ABCG8: variants seen among roughly 807,000 people sequenced by gnomAD.
ABCG8 encodes ATP-binding cassette sub-family G member 8.
ABCG8 carries 81 observed loss-of-function variants against 71.3 expected under a neutral mutation model. The observed-to-expected ratio is 1.14, with a 90% confidence interval of 0.95 to 1.37. ABCG8 has a LOEUF of 1.37. ABCG8 is among the 40% of genes most tolerant of loss of function. ABCG8 has a pLI of 0.00. For synonymous variants in ABCG8, 451 were observed against 354.7 expected (o/e 1.27, Z -3.05); for missense variants, 1,119 against 866.2 (o/e 1.29, Z -3.66).
At chr2:43,873,039 G>A (rs1340217065) in intron 8 of ABCG8, among the ~76,000 whole-genome samples, 1 of 152,060 alleles carries the variant, frequency 6.6e-6, no homozygotes, top group Admixed American at 6.6e-5. Context: ...ACTTAGGGCA[G>A]CACCTCTACC....
intron 6 of ABCG8, among the ~76,000 whole-genome samples, chr2:43,860,196 G>C (rs150407250): frequency 6.8e-6 from 1 of 147,648 alleles, no homozygotes; most frequent in Admixed American, 6.7e-5. Context: ...TGTCTGGATA[G>C]AATTCTCACC....
chr2:43,881,895 T>C lies in ABCG8; in HGVS notation c.*3982T>C, dbSNP rs1166761872. The C allele has an allele frequency of 1.3e-5, 2 of 152,180 alleles. No individual in the cohort carries two copies. Among genetic ancestry groups the C allele is most frequent in the East Asian group, 3.9e-4 (2 of 5,190 alleles). 9.4% of individuals were successfully genotyped at this position (152,180 alleles called of 1,614,324 possible). On this transcript the variant is annotated 3_prime_UTR_variant, in exon 13 of 13. Transcript: ENST00000272286. ...GTGGGCCTTATAGGCTCTGCTGCAA[T>C]TACTTAACTCTGCTGTTACAGTGTG...
chr2:43,851,474 C>G, intron 3 of ABCG8, 110 bp from the exon 4 acceptor site: 1 of 1,260,910 alleles, frequency 7.9e-7, no homozygotes, highest in Non-Finnish European at 1.2e-6. Context: ...CTGGTCACAT[C>G]TGCACGGACA....
intron 8 of ABCG8, 117 bp downstream of exon 8, chr2:43,872,423 GA>G (rs1266320336): frequency 4.9e-6 from 6 of 1,215,858 alleles, no homozygotes; most frequent in African/African-American, 1.5e-5. Flanking sequence ...AGAGTCATTT[GA>G]AAAAAACAGC....
At chr2:43,875,842 A>G (rs1412342230) in intron 11 of ABCG8, among the ~76,000 whole-genome samples, 1 of 151,942 alleles carries the variant, frequency 6.6e-6, no homozygotes, top group Non-Finnish European at 1.5e-5. Context: ...TCCAAGGTGC[A>G]AACCCATGCC....
At position 43,873,953 on chromosome 2, in the gene ABCG8, C is replaced by T. The variant is rs745377157; in HGVS notation, c.1378C>T (p.Pro460Ser). The part of the protein sequence containing the change: ...ALLFMIGALI[P>S]FNVILDVISK... ...CTTGTTCATGATCGGTGCTCTCATC[C>T]CTTTCAACGTCATTCTGGATGTCAT... is the stretch of plus-strand genomic sequence containing the variant. The change falls in exon 9 of 13, where the codon CCT becomes TCT. Residue 460 changes from proline to serine, a missense_variant. Physicochemically the swap from Pro to Ser is moderately conservative, Grantham distance 74 (BLOSUM62 -1). Coordinates refer to ENST00000272286, the MANE Select transcript of ABCG8 (RefSeq NM_022437.3). The T allele has an allele frequency of 1.9e-6, 3 of 1,614,106 alleles. No homozygotes were observed. In the South Asian group the frequency reaches 3.3e-5, roughly 18 times the overall value.
At chr2:43,853,107 T>C (rs1345589695) in intron 6 of ABCG8, among the ~76,000 whole-genome samples, 2 of 152,106 alleles carry the variant, frequency 1.3e-5, no homozygotes, top group Admixed American at 6.5e-5. Flanking sequence ...GATTAGAAAC[T>C]TGCAAACTCC....
intron 1 of ABCG8, among the ~76,000 whole-genome samples, chr2:43,841,381 G>A (rs1047494096): frequency 2.0e-5 from 3 of 152,188 alleles, no homozygotes; most frequent in South Asian, 4.1e-4. Flanking sequence ...AGAAATTCAA[G>A]TGATGTTCTG....
chr2:43,852,532 C>A lies in ABCG8; in HGVS notation c.694+46C>A. Reference sequence around the variant, plus strand: ...TGGGGGCAGAGGGACCTGTGCGGTCCCCTCAGGCTTGGCTTGGTCTGGCCA... The same window carrying A: ...TGGGGGCAGAGGGACCTGTGCGGTCACCTCAGGCTTGGCTTGGTCTGGCCA... On this transcript the variant is annotated intron_variant, in intron 5 of 12. Coordinates refer to ENST00000272286, the MANE Select transcript of ABCG8 (RefSeq NM_022437.3). 4 of 1,613,856 alleles carry A rather than the reference C, an allele frequency of 2.5e-6. No homozygotes were observed. The Admixed American group carries it at 6.7e-5, about 27-fold the overall frequency.
chr2:43,866,284 G>A (rs564918696), intron 6 of ABCG8, among the ~76,000 whole-genome samples: 5,554 of 147,872 alleles, frequency 0.038, 127 homozygotes, highest in Middle Eastern at 0.094. Flanking sequence ...CATAGGCACG[G>A]GCAAGGACTT....
At chr2:43,842,081 C>T (rs989003189) in intron 1 of ABCG8, among the ~76,000 whole-genome samples, 1 of 152,090 alleles carries the variant, frequency 6.6e-6, no homozygotes, top group Admixed American at 6.5e-5. Flanking sequence ...ATCTCGGCTC[C>T]CTGCACCTCC....
Position 43,875,422 on chromosome 2 carries a change from T to A in ABCG8, c.1756+9T>A. The A allele has an allele frequency of 1.9e-6, 3 of 1,611,240 alleles. No individual in the cohort carries two copies. Among genetic ancestry groups the A allele is most frequent in the Non-Finnish European group, 2.5e-6 (3 of 1,178,096 alleles). On this transcript the variant is annotated intron_variant, in intron 11 of 12. Transcript: ENST00000272286. ...GAGCAGCCTGTGGACAGGTAAGGCC[T>A]GCCCCCGGGGCCTGGGCCAGCTTTG...
In ABCG8 at chr2:43,851,736, C is replaced by T; in HGVS notation, c.475C>T (p.Pro159Ser). 6.2e-7 allele frequency: 1 copy of T among 1,614,232 alleles called. No homozygotes were observed. The highest frequency in any genetic ancestry group is 8.5e-7 in the Non-Finnish European group (1 of 1,180,046). ...AHVRQHNQLL[P>S]NLTVRETLAF... Reference sequence around the variant, plus strand: ...CGTGCGCCAGCACAACCAGCTGCTCCCCAACTTGACTGTGCGAGAGACCTT... The same window carrying T: ...CGTGCGCCAGCACAACCAGCTGCTCTCCAACTTGACTGTGCGAGAGACCTT... Residue 159 changes from proline to serine, a missense_variant, in exon 4 of 13, where the codon CCC (proline) becomes TCC (serine). Coordinates refer to ENST00000272286, the MANE Select transcript of ABCG8 (RefSeq NM_022437.3).
chr2:43,853,710 A>G (rs1287770728), intron 6 of ABCG8, among the ~76,000 whole-genome samples: 13 of 152,220 alleles, frequency 8.5e-5, no homozygotes, highest in Admixed American at 7.9e-4. Context: ...CGGCCAGGCC[A>G]AGGCCATCTC....
chr2:43,874,700 T>C (rs529783211), intron 10 of ABCG8, among the ~76,000 whole-genome samples: 1 of 152,120 alleles, frequency 6.6e-6, no homozygotes, highest in African/African-American at 2.4e-5. Context: ...GGACCAGGAA[T>C]GATAGTTTTC....
intron 6 of ABCG8, among the ~76,000 whole-genome samples, chr2:43,868,193 A>G (rs72798815): frequency 0.052 from 7,832 of 151,780 alleles, 157 homozygotes; most frequent in Middle Eastern, 0.11. Flanking sequence ...AACTGTCACT[A>G]TCTATCTCAA....
At chr2:43,844,284 A>G (rs1668669751) in intron 1 of ABCG8, among the ~76,000 whole-genome samples, 1 of 152,170 alleles carries the variant, frequency 6.6e-6, no homozygotes, top group South Asian at 2.1e-4. Flanking sequence ...CCCCGGGAGA[A>G]GCCCCAAACC....
At chr2:43,871,488 C>A (rs921654610) in intron 6 of ABCG8, among the ~76,000 whole-genome samples, 3 of 152,236 alleles carry the variant, frequency 2.0e-5, no homozygotes, top group Admixed American at 1.3e-4. Flanking sequence ...AGAATTCTCA[C>A]TCTCTGGATG....
In ABCG8 at chr2:43,877,607, A is replaced by G. The variant is rs1440297795; in HGVS notation, c.1803A>G (p.Glu601=). ...TGTCCTTCCTGCGGTGGTGTTTTGA[A>G]GGGCTGATGAAGATTCAGTTCAGCA... ...SKVSFLRWCF[E]GLMKIQFSRR... Residue 601 remains glutamate (E), a synonymous_variant, in exon 12 of 13, where the codon GAA becomes GAG. Transcript: ENST00000272286. 1 of 1,614,088 alleles carries G rather than the reference A, an allele frequency of 6.2e-7. No homozygotes were observed. The highest frequency in any genetic ancestry group is 1.1e-5 in the South Asian group (1 of 91,076).
Sources: allele counts gnomAD v4.1 joint callset (sites outside exome capture counted in the v4.1 genomes callset), GRCh38; gene constraint gnomAD v4.1.1; transcripts MANE v1.5; gene names NCBI Gene and HGNC (gene_info 2026-07-23, HGNC 2026-07-21).